PTCD3: variants seen among roughly 807,000 people sequenced by gnomAD.
PTCD3 encodes the protein small ribosomal subunit protein mS39.
PTCD3 carries 89 observed loss-of-function variants against 101.9 expected under a neutral mutation model. That is an observed-to-expected ratio of 0.87 (90% CI 0.74 to 1.04). The LOEUF (loss-of-function observed/expected upper bound fraction) is 1.04. Among genes scored for constraint, PTCD3 ranks in the 50% least tolerant of loss-of-function variants. PTCD3 has a pLI of 0.00. For synonymous variants in PTCD3, 296 were observed against 278.5 expected, an observed-to-expected ratio of 1.06 and a Z score of -0.63; for missense variants, 870 against 828.2, an observed-to-expected ratio of 1.05 and a Z score of -0.62.
chr2:86,119,166 T>C lies in PTCD3; in HGVS notation c.538+122T>C. The C allele has an allele frequency of 3.1e-6, 4 of 1,270,200 alleles. No individual in the cohort carries two copies. The East Asian group carries it at 9.8e-5, about 31-fold the overall frequency. The allele number at this position is 1,270,200 out of a possible 1,614,324, so 78.7% of individuals were successfully genotyped here. A position where few individuals can be genotyped will look rare whatever the true frequency, so the allele number is the denominator to read the frequency against. ...GCTGTACTTACTCTGCTTTGATGGC[T>C]GCGTGCTTTATATTTTTAGTAGTTT... On this transcript the variant is annotated intron_variant, in intron 7 of 23. Coordinates refer to ENST00000254630, the MANE Select transcript of PTCD3 (RefSeq NM_017952.6).
rs1376672870 is a variant in PTCD3, at chr2:86,134,824, T to A, written c.1630-15T>A. 3 of 1,613,780 alleles carry A rather than the reference T, an allele frequency of 1.9e-6. No homozygotes were observed. The highest frequency in any genetic ancestry group is 2.5e-6 in the Non-Finnish European group (3 of 1,179,970). Reference sequence around the variant, plus strand: ...AAATCAGTTAGGCAGTTCTGCTGACTCCTAAGCTTCTCAGCTTCAGGTGGC... The same window carrying A: ...AAATCAGTTAGGCAGTTCTGCTGACACCTAAGCTTCTCAGCTTCAGGTGGC... On this transcript the variant is annotated splice_polypyrimidine_tract_variant and intron_variant, in intron 20 of 23. Transcript: ENST00000254630.
intron 3 of PTCD3, among the ~76,000 whole-genome samples, chr2:86,110,181 T>A (rs1243428313): frequency 6.6e-6 from 1 of 152,208 alleles, no homozygotes; most frequent in African/African-American, 2.4e-5. Context: ...AAGACTTAAA[T>A]AGGGCAATAA....
chr2:86,112,654 C>T (rs987969898), intron 4 of PTCD3, among the ~76,000 whole-genome samples: 3 of 137,762 alleles, frequency 2.2e-5, no homozygotes, highest in Admixed American at 7.8e-5. Context: ...TGCATTCCAG[C>T]CTGGGTGAGT....
Position 86,114,679 on chromosome 2 carries a change from T to C in PTCD3, c.241-1851T>C, listed in dbSNP as rs77782867. On this transcript the variant is annotated intron_variant, in intron 4 of 23. Transcript: ENST00000254630. ...CTCATTAATGGCAACTCCATTCTTA[T>C]AGCTGCTCAGGCCAAAATCCTGGGA... Among the ~76,000 whole-genome samples, 6 of 152,354 alleles carry C rather than the reference T, an allele frequency of 3.9e-5. No individual in the cohort carries two copies. In the East Asian group the frequency reaches 9.6e-4, roughly 24 times the overall value.
At chr2:86,118,657 T>C (rs933780200) in intron 6 of PTCD3, among the ~76,000 whole-genome samples, 17 of 152,230 alleles carry the variant, frequency 1.1e-4, no homozygotes, top group Admixed American at 9.8e-4. Context: ...AGTATTTGAA[T>C]AAGTTAGTGA....
intron 1 of PTCD3, among the ~76,000 whole-genome samples, chr2:86,107,805 G>GCTTC (rs1673991313): frequency 1.3e-5 from 2 of 152,204 alleles, no homozygotes; most frequent in Non-Finnish European, 2.9e-5. Context: ...GATCAGGGCA[G>GCTTC]TATCTGTATA....
Position 86,128,073 on chromosome 2 carries a change from A to T in PTCD3, c.1147+82A>T, listed in dbSNP as rs532910360. The T allele has an allele frequency of 1.7e-4, 185 of 1,113,346 alleles. No homozygotes were observed. In the East Asian group the frequency reaches 4.3e-3, roughly 26 times the overall value. 69.0% of individuals were successfully genotyped at this position (1,113,346 alleles called of 1,614,324 possible). A position where few individuals can be genotyped will look rare whatever the true frequency, so the allele number is the denominator to read the frequency against. ...GTTTATGTGATTAATTGTTGTAGTT[A>T]TCTTCTCTGCATATGAATTAAGAAG... is the stretch of plus-strand genomic sequence containing the variant. On this transcript the variant is annotated intron_variant, in intron 14 of 23. Coordinates refer to ENST00000254630, the MANE Select transcript of PTCD3 (RefSeq NM_017952.6).
intron 7 of PTCD3, chr2:86,119,266 CACTG>C (rs1329875382): frequency 1.8e-6 from 1 of 564,040 alleles, no homozygotes; most frequent in Non-Finnish European, 3.0e-6. Context: ...TTTATTGTAG[CACTG>C]GTAGAGAAAT....
At chr2:86,111,314 C>T (rs1674080307) in intron 4 of PTCD3, among the ~76,000 whole-genome samples, 156 bp downstream of exon 4, 3 of 152,134 alleles carry the variant, frequency 2.0e-5, no homozygotes, top group South Asian at 2.1e-4. Flanking sequence ...CTAGGCCGGG[C>T]GCGGTGGCTC....
Position 86,138,406 on chromosome 2 carries a change from C to T in PTCD3, c.*847C>T, listed in dbSNP as rs1253667449. On this transcript the variant is annotated 3_prime_UTR_variant, in exon 24 of 24. Transcript: ENST00000254630. The stretch of plus-strand genomic sequence containing the variant: ...GCAGTAAGTGGAGGTTTGCAGCATT[C>T]CTGCCTTCATGAGGGCTTCTACCAC... 6.6e-6 allele frequency: 1 copy of T among 152,130 alleles called. No homozygotes were observed. The highest frequency in any genetic ancestry group is 2.4e-5 in the African/African-American group (1 of 41,438). 9.4% of individuals were successfully genotyped at this position (152,130 alleles called of 1,614,324 possible). A position where few individuals can be genotyped will look rare whatever the true frequency, so the allele number is the denominator to read the frequency against.
chr2:86,132,174 C>T (rs1674505015), intron 16 of PTCD3, 144 bp from the exon 17 acceptor site: 3 of 543,318 alleles, frequency 5.5e-6, no homozygotes, highest in South Asian at 2.9e-5. Flanking sequence ...TTGTCTCCCC[C>T]CCATTTCTTA....
chr2:86,125,412 T>C, intron 10 of PTCD3, 43 bp from the exon 11 acceptor site: 1 of 1,570,996 alleles, frequency 6.4e-7, no homozygotes, highest in South Asian at 1.1e-5. Flanking sequence ...CAAGGACTTC[T>C]TAAGTAAATG....
chr2:86,108,517 A>G lies in PTCD3; in HGVS notation c.175A>G (p.Ile59Val). 6.3e-7 allele frequency: 1 copy of G among 1,597,576 alleles called. No homozygotes were observed. Among genetic ancestry groups the G allele is most frequent in the Non-Finnish European group, 8.5e-7 (1 of 1,175,650 alleles). Reference protein sequence around the residue: ...TDVTGIEEVVIPKKKTWDKVA... With the variant: ...TDVTGIEEVVVPKKKTWDKVA... ...TACATTAGGGATTGAAGAAGTAGTA[A>G]TTCCAAAAAAGAAAACTTGGTAAGT... Residue 59 changes from isoleucine to valine, a missense_variant, in exon 3 of 24, where the codon ATT becomes GTT. By Grantham distance (29) the Ile-to-Val change is conservative. Coordinates refer to ENST00000254630, the MANE Select transcript of PTCD3 (RefSeq NM_017952.6).
Position 86,117,090 on chromosome 2 carries a change from T to C in PTCD3, c.345T>C (p.Asn115=). 1 of 1,476,116 alleles carries C rather than the reference T, an allele frequency of 6.8e-7. No homozygotes were observed. Among genetic ancestry groups the C allele is most frequent in the South Asian group, 1.1e-5 (1 of 88,006 alleles). The allele number at this position is 1,476,116 out of a possible 1,614,324, so 91.4% of individuals were successfully genotyped here. A position where few individuals can be genotyped will look rare whatever the true frequency, so the allele number is the denominator to read the frequency against. The change falls in exon 6 of 24, where the codon AAT becomes AAC. Residue 115 remains asparagine, a synonymous_variant. Coordinates refer to ENST00000254630, the MANE Select transcript of PTCD3 (RefSeq NM_017952.6). ...SFLLAKKSGE[N]VAKFIINSYP... ...TACTGGCAAAGAAATCCGGGGAGAA[T>C]GTGGCCAAGTTTATTATTAATTCAT...
chr2:86,133,086 T>G, intron 17 of PTCD3, 92 bp from the exon 18 acceptor site: 1 of 1,483,726 alleles, frequency 6.7e-7, no homozygotes, highest in Non-Finnish European at 9.0e-7. Flanking sequence ...AAATTCTTTG[T>G]AACATATAAT....
At chr2:86,136,020 A>C (rs1449963210) in intron 21 of PTCD3, 2 of 519,002 alleles carry the variant, frequency 3.9e-6, no homozygotes, top group African/African-American at 3.8e-5. Context: ...TTCATAACAG[A>C]ATTCTAAGAC....
chr2:86,137,114 T>G lies in PTCD3; in HGVS notation c.1953T>G (p.Ser651Arg). ...AGGGCCTCACCCAGAGAGTAATGAG[T>G]GATTTTGCAATCAACCAGGAACAAA... ...ICEGLTQRVMSDFAINQEQKE... is the reference protein window; with the variant it reads ...ICEGLTQRVMRDFAINQEQKE... The change falls in exon 23 of 24, where the codon AGT becomes AGG. Residue 651 changes from serine to arginine, a missense_variant. Ser to Arg is a moderately radical substitution (Grantham distance 110, BLOSUM62 -1). Coordinates refer to ENST00000254630, the MANE Select transcript of PTCD3 (RefSeq NM_017952.6). 1.3e-6 allele frequency: 2 copies of G among 1,592,934 alleles called. No homozygotes were observed. The highest frequency in any genetic ancestry group is 1.7e-6 in the Non-Finnish European group (2 of 1,170,760).
chr2:86,136,563 G>T lies in PTCD3; in HGVS notation c.1820+1G>T, dbSNP rs1674587876. The stretch of plus-strand genomic sequence containing the variant: ...TCAGGAAGCATAATAAGATTCCTAG[G>T]TAAGTTGAAATCAGCCAGCTCTCTT... On this transcript the variant is annotated splice_donor_variant, in intron 22 of 23. Transcript: ENST00000254630. LOFTEE classifies it high-confidence loss of function. 3.1e-6 allele frequency: 5 copies of T among 1,611,972 alleles called. No homozygotes were observed. The highest frequency in any genetic ancestry group is 2.5e-6 in the Non-Finnish European group (3 of 1,178,160).
intron 6 of PTCD3, among the ~76,000 whole-genome samples, chr2:86,118,052 G>C (rs1289958335): frequency 6.6e-6 from 1 of 152,230 alleles, no homozygotes; most frequent in African/African-American, 2.4e-5. Flanking sequence ...TGGGATTACA[G>C]GTGTGAGCCA....
Sources: gnomAD v4.1 joint callset for allele counts (sites outside exome capture counted in the v4.1 genomes callset) on GRCh38, gnomAD v4.1.1 for gene constraint, MANE v1.5 for transcripts, NCBI Gene and HGNC (gene_info 2026-07-23, HGNC 2026-07-21) for gene names.